The following RBFOX1 variants were observed in gnomAD, a reference collection of about 807,000 sequenced individuals.
RBFOX1 encodes RNA binding protein fox-1 homolog 1.
RBFOX1 carries 8 observed loss-of-function variants against 57.7 expected under a neutral mutation model. That is an observed-to-expected ratio of 0.14 (90% confidence interval 0.08 to 0.25). The LOEUF is 0.25. Among genes scored for constraint, RBFOX1 ranks in the 10% least tolerant of loss-of-function variants. The pLI, the probability that RBFOX1 is intolerant of heterozygous loss-of-function variation, is 1.00. For synonymous variants in RBFOX1, 326 were observed against 222.4 expected, an observed-to-expected ratio of 1.47 and a Z score of -4.15; for missense variants, 611 against 548.5, an observed-to-expected ratio of 1.11 and a Z score of -1.14.
intron 3 of RBFOX1, among the ~76,000 whole-genome samples, chr16:6,739,303 C>A (rs1194982617): frequency 6.6e-6 from 1 of 151,322 alleles, no homozygotes; most frequent in Admixed American, 6.6e-5. Flanking sequence ...TACTATAGAC[C>A]CTGCAGACAT....
chr16:6,095,652 C>CT (rs1021899614), intron 1 of RBFOX1, among the ~76,000 whole-genome samples: 8 of 151,668 alleles, frequency 5.3e-5, no homozygotes, highest in African/African-American at 1.9e-4. Context: ...CAGCACCGTG[C>CT]TTTTTTACCT....
intron 4 of RBFOX1, among the ~76,000 whole-genome samples, chr16:5,950,505 C>T (rs1264114160): frequency 6.6e-6 from 1 of 152,226 alleles, no homozygotes; most frequent in Non-Finnish European, 1.5e-5. Flanking sequence ...TGAGCCCTCT[C>T]CCTCCACTCC....
At chr16:6,558,745 C>T (rs940156678) in intron 2 of RBFOX1, among the ~76,000 whole-genome samples, 13 of 152,070 alleles carry the variant, frequency 8.5e-5, no homozygotes, top group Admixed American at 7.9e-4. Flanking sequence ...GAACGTGTTT[C>T]AGCTAAGATG....
chr16:7,450,285 T>C (rs527490573), intron 4 of RBFOX1, among the ~76,000 whole-genome samples: 5 of 147,780 alleles, frequency 3.4e-5, no homozygotes, highest in Non-Finnish European at 5.9e-5. Context: ...TCCCAGCTAC[T>C]TGGGAGGCTG....
chr16:6,247,227 C>G (rs755331236), intron 1 of RBFOX1, among the ~76,000 whole-genome samples: 1 of 152,158 alleles, frequency 6.6e-6, no homozygotes, highest in Non-Finnish European at 1.5e-5. Context: ...CTTTCTTCCC[C>G]TTGTCTCCCA....
chr16:6,466,387 T>G (rs961775252), intron 2 of RBFOX1, among the ~76,000 whole-genome samples: 4 of 152,180 alleles, frequency 2.6e-5, no homozygotes, highest in African/African-American at 9.7e-5. Context: ...ATATGTTATT[T>G]AGTTTTAGAA....
intron 2 of RBFOX1, among the ~76,000 whole-genome samples, chr16:5,538,945 G>A (rs920515630): frequency 1.3e-5 from 2 of 152,140 alleles, no homozygotes; most frequent in Non-Finnish European, 2.9e-5. Context: ...TGCTGGGAGA[G>A]GGTTCAGCAA....
intron 1 of RBFOX1, among the ~76,000 whole-genome samples, chr16:5,313,771 C>T (rs2064155711): frequency 1.3e-5 from 2 of 152,146 alleles, no homozygotes; most frequent in Admixed American, 6.5e-5. Flanking sequence ...CCCCATGATT[C>T]AGTTACCTCC....
chr16:7,101,657 G>C (rs1221918957), intron 4 of RBFOX1, among the ~76,000 whole-genome samples: 2 of 152,078 alleles, frequency 1.3e-5, no homozygotes, highest in Non-Finnish European at 2.9e-5. Flanking sequence ...TTTTTTGAAG[G>C]CAAGATTTTA....
At chr16:5,993,635 G>A (rs1183628866) in intron 4 of RBFOX1, among the ~76,000 whole-genome samples, 1 of 152,092 alleles carries the variant, frequency 6.6e-6, no homozygotes, top group Non-Finnish European at 1.5e-5. Flanking sequence ...TGAGGCATTA[G>A]TTCTCCATCA....
chr16:6,266,868 C>T (rs1277791820), intron 1 of RBFOX1, among the ~76,000 whole-genome samples: 1 of 152,180 alleles, frequency 6.6e-6, no homozygotes, highest in Non-Finnish European at 1.5e-5. Flanking sequence ...TTCTGTATGA[C>T]ATTCAGTTCT....
At chr16:5,903,692 C>T (rs2058368177) in intron 4 of RBFOX1, among the ~76,000 whole-genome samples, 1 of 152,106 alleles carries the variant, frequency 6.6e-6, no homozygotes, top group Admixed American at 6.5e-5. Flanking sequence ...TATGCTTGGC[C>T]TTAGATATGT....
At chr16:7,337,872 A>G (rs2096823054) in intron 4 of RBFOX1, among the ~76,000 whole-genome samples, 1 of 152,084 alleles carries the variant, frequency 6.6e-6, no homozygotes, top group Non-Finnish European at 1.5e-5. Flanking sequence ...TTTAGTAGAG[A>G]CAGGGTTTCA....
In RBFOX1 at chr16:6,768,214, C is replaced by T. The variant is rs544264573; in HGVS notation, c.-16+113564C>T. Reference sequence around the variant, plus strand: ...TCCATCTCAAAAAACAAAACAAGACCGAAAACAAAAGAAACAAGGACCTCA... The same window carrying T: ...TCCATCTCAAAAAACAAAACAAGACTGAAAACAAAAGAAACAAGGACCTCA... On this transcript the variant is annotated intron_variant, in intron 3 of 15. Coordinates refer to ENST00000550418, the MANE Select transcript of RBFOX1 (RefSeq NM_018723.4). Among the ~76,000 whole-genome samples, 13 of 151,864 alleles carry T rather than the reference C, an allele frequency of 8.6e-5. No homozygotes were observed. In the East Asian group the frequency reaches 1.2e-3, roughly 14 times the overall value.
At chr16:5,726,261 G>A (rs1445560193) in intron 3 of RBFOX1, among the ~76,000 whole-genome samples, 4 of 151,576 alleles carry the variant, frequency 2.6e-5, no homozygotes, top group Non-Finnish European at 5.9e-5. Context: ...TTATGGGACC[G>A]TTGTCTCCCT....
In RBFOX1 at chr16:5,798,032, C is replaced by G. The variant is rs143585522; in HGVS notation, c.319-69271C>G. 2.9e-3 allele frequency among the ~76,000 whole-genome samples: 444 copies of G among 152,318 alleles called. 2 individuals carry two copies. The highest frequency in any genetic ancestry group is 0.01 in the African/African-American group (424 of 41,574). ...AAGCCCTGGGAATATATAAAGCAGA[C>G]AGCCTGAGTTTGAATATTGGTTTCT... On this transcript the variant is annotated intron_variant, in intron 3 of 19. Coordinates refer to the RBFOX1 transcript ENST00000641259.
chr16:5,395,854 C>G (rs893047006), intron 1 of RBFOX1, among the ~76,000 whole-genome samples: 3 of 152,222 alleles, frequency 2.0e-5, no homozygotes, highest in Admixed American at 6.5e-5. Context: ...TGGGCAGCCT[C>G]TAGGGGCTGG....
chr16:6,580,800 T>C (rs2097526493), intron 2 of RBFOX1, among the ~76,000 whole-genome samples: 1 of 152,154 alleles, frequency 6.6e-6, no homozygotes. Context: ...CAGACACAGA[T>C]TCTGTTATCC....
chr16:6,319,470 G>C (rs978384322), intron 2 of RBFOX1, among the ~76,000 whole-genome samples: 1 of 152,168 alleles, frequency 6.6e-6, no homozygotes, highest in Non-Finnish European at 1.5e-5. Flanking sequence ...ACAATGGAAA[G>C]CTGAATAGGT....
Sources: allele counts gnomAD v4.1 joint callset (sites outside exome capture counted in the v4.1 genomes callset), GRCh38; gene constraint gnomAD v4.1.1; transcripts MANE v1.5; gene names NCBI Gene and HGNC (gene_info 2026-07-23, HGNC 2026-07-21).